The following PCDHA6 variants were observed in gnomAD, a reference collection of about 807,000 sequenced individuals.
PCDHA6 encodes the protein protocadherin alpha-6.
In PCDHA6, 55 loss-of-function variants were observed where a neutral mutation model predicts 60.3. The observed-to-expected ratio is 0.91, with a 90% CI of 0.73 to 1.14. PCDHA6 has a LOEUF of 1.14. Among genes scored for constraint, PCDHA6 ranks in the 50% most tolerant of loss-of-function variants. PCDHA6 has a pLI of 0.00. For missense variants in PCDHA6, 1,327 were observed against 1,256.5 expected, an observed-to-expected ratio of 1.06 and a Z score of -0.85; for synonymous variants, 652 against 557.9, an observed-to-expected ratio of 1.17 and a Z score of -2.38.
intron 1 of PCDHA6, chr5:140,862,693 T>C (rs2047494827): frequency 1.8e-6 from 1 of 555,404 alleles, no homozygotes; most frequent in African/African-American, 1.9e-5. Flanking sequence ...GTCCTACTCG[T>C]TGATGGAACA....
chr5:140,835,537 T>TTGCTCCCTG lies in PCDHA6; in HGVS notation c.2394+5053_2394+5054insGCTCCCTGT. On this transcript the variant is annotated intron_variant, in intron 1 of 3. Transcript: ENST00000529310. ...CGAGATTTTGGAGTCAACGGACAGG[T>TTGCTCCCTG]TACCTGCTCCCTGACGCCCCGCGTT... The TTGCTCCCTG allele has an allele frequency of 1.9e-6, 3 of 1,613,926 alleles. No individual in the cohort carries two copies. In the East Asian group the frequency reaches 6.7e-5, roughly 36 times the overall value.
chr5:141,005,798 C>T (rs1236554438), intron 3 of PCDHA6, among the ~76,000 whole-genome samples: 1 of 143,634 alleles, frequency 7.0e-6, no homozygotes, highest in African/African-American at 2.6e-5. Context: ...GCAAAAACAA[C>T]TCCAAGGAGC....
intron 1 of PCDHA6, among the ~76,000 whole-genome samples, chr5:140,954,689 A>T (rs1392082377): frequency 2.0e-5 from 3 of 152,164 alleles, no homozygotes; most frequent in Non-Finnish European, 4.4e-5. Context: ...TCAGATGGAT[A>T]GACTACAAAA....
intron 1 of PCDHA6, chr5:140,877,128 G>C (rs782052511): frequency 3.1e-6 from 5 of 1,613,762 alleles, no homozygotes; most frequent in Non-Finnish European, 4.2e-6. Flanking sequence ...TGACGCTGCA[G>C]GTGTTCGTGC....
intron 1 of PCDHA6, among the ~76,000 whole-genome samples, chr5:140,890,662 C>G (rs75284753): frequency 3.3e-5 from 5 of 152,136 alleles, no homozygotes; most frequent in South Asian, 2.1e-4. Flanking sequence ...CAAAAGTTAA[C>G]TGAAACCCTT....
intron 1 of PCDHA6, chr5:140,856,456 A>T: frequency 6.3e-7 from 1 of 1,598,478 alleles, no homozygotes; most frequent in Non-Finnish European, 8.6e-7. Flanking sequence ...CCGTAACAGA[A>T]CAAAAGCTCT....
rs144129472 is a variant in PCDHA6, at chr5:140,829,658, C to T, written c.1567C>T (p.Leu523=). ...CGGCAAGGTGTACGCGCTGCAGCCG[C>T]TGGACCACGAGGAGCTAGAGCTGCT... ...ESGKVYALQP[L]DHEELELLQF... The change falls in exon 1 of 4, where the codon CTG becomes TTG. Residue 523 remains leucine (L), a synonymous_variant. Transcript: ENST00000529310. 146 of 1,612,562 alleles carry T rather than the reference C, an allele frequency of 9.1e-5. 1 individual carries two copies. The African/African-American group carries it at 1.1e-3, about 12-fold the overall frequency.
chr5:140,875,271 C>T, intron 1 of PCDHA6: 1 of 1,256,488 alleles, frequency 8.0e-7, no homozygotes, highest in Non-Finnish European at 1.1e-6. Flanking sequence ...GCTCTACACT[C>T]AGAAGGTGAA....
At chr5:140,882,538 C>T (rs782086663) in intron 1 of PCDHA6, 2 of 1,614,170 alleles carry the variant, frequency 1.2e-6, no homozygotes, top group Non-Finnish European at 1.7e-6. Flanking sequence ...ATTCTCGGAT[C>T]GACCGCGAGG....
intron 1 of PCDHA6, chr5:140,876,899 C>A (rs781884794): frequency 5.0e-6 from 8 of 1,613,974 alleles, no homozygotes; most frequent in Non-Finnish European, 6.8e-6. Context: ...CACATCTTCA[C>A]GGTGTCGGCA....
intron 1 of PCDHA6, among the ~76,000 whole-genome samples, chr5:140,970,867 G>A (rs1207924606): frequency 6.6e-6 from 1 of 152,124 alleles, no homozygotes; most frequent in Non-Finnish European, 1.5e-5. Flanking sequence ...ATTCCTGATT[G>A]AGAGTAGATT....
intron 1 of PCDHA6, among the ~76,000 whole-genome samples, chr5:140,887,243 C>T (rs950171388): frequency 6.0e-4 from 91 of 152,060 alleles, no homozygotes; most frequent in Non-Finnish European, 1.2e-3. Context: ...ACTACCGGCG[C>T]CCGCCACCAC....
At chr5:140,984,859 A>G (rs1368341114) in intron 3 of PCDHA6, among the ~76,000 whole-genome samples, 1 of 152,046 alleles carries the variant, frequency 6.6e-6, no homozygotes, top group Non-Finnish European at 1.5e-5. Flanking sequence ...TAATAATAAC[A>G]CCTATTTTAT....
Position 140,841,112 on chromosome 5 carries a change from C to A in PCDHA6, c.2394+10627C>A, listed in dbSNP as rs190685960. The A allele has an allele frequency of 8.3e-6, 5 of 602,150 alleles. No individual in the cohort carries two copies. In the East Asian group the frequency reaches 1.4e-4, roughly 17 times the overall value. 37.3% of individuals were successfully genotyped at this position (602,150 alleles called of 1,614,324 possible). On this transcript the variant is annotated intron_variant, in intron 1 of 3. Transcript: ENST00000529310. ...GAACCCAGATATTGCGGAAGTAATT[C>A]ATGTAATCATTACCTTTTGAAGCCA... is the stretch of plus-strand genomic sequence containing the variant.
In PCDHA6 at chr5:140,875,574, C is replaced by T. The variant is rs368911944; in HGVS notation, c.2394+45089C>T. On this transcript the variant is annotated intron_variant, in intron 1 of 3. Coordinates refer to ENST00000529310, the MANE Select transcript of PCDHA6 (RefSeq NM_018909.4). ...TGGGGAGCGGCCAGCTCCACTACTC[C>T]GTCTACGAGGAGGCCAAACACGGCA... 7 of 1,613,978 alleles carry T rather than the reference C, an allele frequency of 4.3e-6. No homozygotes were observed. The African/African-American group carries it at 9.3e-5, about 22-fold the overall frequency.
intron 1 of PCDHA6, chr5:140,835,829 G>C: frequency 6.2e-7 from 1 of 1,612,474 alleles, no homozygotes; most frequent in Non-Finnish European, 8.5e-7. Context: ...CGGGGGACGC[G>C]GACGCGCAGA....
chr5:140,835,454 C>T (rs782148594), intron 1 of PCDHA6: 4 of 1,613,928 alleles, frequency 2.5e-6, no homozygotes, highest in Non-Finnish European at 3.4e-6. Flanking sequence ...CCCTGTCTCT[C>T]CCTATTCCAG....
intron 1 of PCDHA6, among the ~76,000 whole-genome samples, chr5:140,872,509 C>A (rs1554166234): frequency 6.6e-6 from 1 of 152,076 alleles, no homozygotes; most frequent in Non-Finnish European, 1.5e-5. Flanking sequence ...TGCCTGTAGT[C>A]CCAGTTTCTT....
At chr5:140,871,131 G>A (rs781968741) in intron 1 of PCDHA6, 2 of 1,613,386 alleles carry the variant, frequency 1.2e-6, no homozygotes, top group South Asian at 2.2e-5. Flanking sequence ...AGGCGCCAAA[G>A]GCCTCTTCCC....
Sources: gnomAD v4.1 joint callset for allele counts (sites outside exome capture counted in the v4.1 genomes callset) on GRCh38, gnomAD v4.1.1 for gene constraint, MANE v1.5 for transcripts, NCBI Gene and HGNC (gene_info 2026-07-23, HGNC 2026-07-21) for gene names.